Variants in SLK observed in about 807,000 individuals in gnomAD.
SLK encodes STE20-like serine/threonine-protein kinase.
A neutral mutation model predicts 147.7 loss-of-function variants in SLK; 67 were observed. That is an observed-to-expected ratio of 0.45 (90% CI 0.37 to 0.56). The LOEUF is 0.56. Among genes scored for constraint, SLK ranks in the 20% least tolerant of loss-of-function variants. SLK has a pLI of 0.00. For synonymous variants in SLK, 441 were observed against 475.0 expected, an observed-to-expected ratio of 0.93 and a Z score of 0.93; for missense variants, 1,136 against 1,438.8, an observed-to-expected ratio of 0.79 and a Z score of 3.41.
intron 1 of SLK, among the ~76,000 whole-genome samples, chr10:103,986,614 C>T (rs1372512982): frequency 6.6e-6 from 1 of 151,940 alleles, no homozygotes; most frequent in Non-Finnish European, 1.5e-5. Context: ...GGTTTGTGGC[C>T]CTGTGGTTGG....
chr10:104,011,047 C>A, intron 13 of SLK, 139 bp downstream of exon 13: 1 of 471,704 alleles, frequency 2.1e-6, no homozygotes, highest in Non-Finnish European at 3.7e-6. Flanking sequence ...CTCCTGGAAT[C>A]TTCTTTATTT....
In SLK at chr10:103,976,068, A is replaced by G. The variant is rs191989014; in HGVS notation, c.150+8173A>G. On this transcript the variant is annotated intron_variant, in intron 1 of 18. Transcript: ENST00000369755. ...TAGGCACCTGCTACCATGCCCAGCT[A>G]ATTTTTATATTTTTTGTAGAGACGG... 2.2e-4 allele frequency among the ~76,000 whole-genome samples: 34 copies of G among 152,076 alleles called. 1 individual carries two copies. The highest frequency in any genetic ancestry group is 6.2e-4 in the South Asian group (3 of 4,814).
intron 16 of SLK, 66 bp downstream of exon 16, chr10:104,019,988 A>T: frequency 7.9e-7 from 1 of 1,270,872 alleles, no homozygotes; most frequent in East Asian, 2.3e-5. Context: ...TAGAAGTTCT[A>T]CAAAATTCCT....
At chr10:104,021,124 G>A (rs1564664666) in intron 17 of SLK, among the ~76,000 whole-genome samples, 1 of 152,190 alleles carries the variant, frequency 6.6e-6, no homozygotes, top group Non-Finnish European at 1.5e-5. Flanking sequence ...AGAATGTACA[G>A]CCCATCTAAA....
chr10:103,986,828 G>A (rs577160594), intron 1 of SLK, among the ~76,000 whole-genome samples: 14 of 152,084 alleles, frequency 9.2e-5, no homozygotes, highest in Non-Finnish European at 1.6e-4. Flanking sequence ...ACAGGCATCC[G>A]CCACCATGCC....
At chr10:103,991,732 T>C (rs1234802839) in intron 2 of SLK, among the ~76,000 whole-genome samples, 1 of 152,016 alleles carries the variant, frequency 6.6e-6, no homozygotes, top group Non-Finnish European at 1.5e-5. Flanking sequence ...AATAAAGCAT[T>C]ATGCTGAGGG....
At chr10:103,986,680 T>G (rs1251493042) in intron 1 of SLK, among the ~76,000 whole-genome samples, 13 of 141,876 alleles carry the variant, frequency 9.2e-5, no homozygotes, top group African/African-American at 3.3e-4. Flanking sequence ...TTTTTTTTTT[T>G]TTTTTTTTTT....
At chr10:103,992,733 A>G (rs1589532861) in intron 3 of SLK, 87 bp downstream of exon 3, 1 of 1,265,166 alleles carries the variant, frequency 7.9e-7, no homozygotes, top group Non-Finnish European at 1.1e-6. Flanking sequence ...ATATATTCAA[A>G]TATGTAAGTA....
intron 1 of SLK, among the ~76,000 whole-genome samples, chr10:103,986,668 GTTTTTTTTTT>G (rs759976399): frequency 2.1e-5 from 2 of 97,218 alleles, no homozygotes; most frequent in African/African-American, 8.6e-5. Context: ...TATGTGAAGA[GTTTTTTTTTT>G]TTTTTTTTTT....
At chr10:104,007,915 G>A (rs1844349016) in intron 11 of SLK, among the ~76,000 whole-genome samples, 1 of 152,098 alleles carries the variant, frequency 6.6e-6, no homozygotes, top group Admixed American at 6.6e-5. Flanking sequence ...TTGTGCAACT[G>A]CACTCCAGCC....
At chr10:103,995,240 T>C (rs912082968) in intron 4 of SLK, among the ~76,000 whole-genome samples, 1 of 152,036 alleles carries the variant, frequency 6.6e-6, no homozygotes, top group South Asian at 2.1e-4. Flanking sequence ...TTTATTCTTA[T>C]TGAAGCTCAT....
chr10:103,979,125 C>T (rs894373953), intron 1 of SLK, among the ~76,000 whole-genome samples: 1 of 152,214 alleles, frequency 6.6e-6, no homozygotes, highest in African/African-American at 2.4e-5. Context: ...AAGTGATTCT[C>T]ATGCCTCAGC....
At chr10:103,990,176 G>A (rs1011838118) in intron 1 of SLK, among the ~76,000 whole-genome samples, 2 of 152,208 alleles carry the variant, frequency 1.3e-5, no homozygotes, top group African/African-American at 4.8e-5. Flanking sequence ...GGTTGCCAGG[G>A]GTTGGAGGAA....
chr10:103,979,306 C>T (rs7913841), intron 1 of SLK, among the ~76,000 whole-genome samples: 73,229 of 152,144 alleles, frequency 0.48, 19,020 homozygotes, highest in East Asian at 0.72. Context: ...CGTGAGCCAC[C>T]GTATCCAGCC....
chr10:103,999,791 A>C, intron 6 of SLK, 76 bp from the exon 7 acceptor site: 1 of 627,070 alleles, frequency 1.6e-6, no homozygotes. Context: ...AAACTTAAGC[A>C]TAACTTATCA....
chr10:103,984,437 A>G (rs1843986717), intron 1 of SLK, among the ~76,000 whole-genome samples: 1 of 152,122 alleles, frequency 6.6e-6, no homozygotes, highest in African/African-American at 2.4e-5. Context: ...TTTTTGAGAC[A>G]GAGTCTCAGT....
intron 1 of SLK, among the ~76,000 whole-genome samples, chr10:103,979,041 G>A (rs922421537): frequency 2.9e-4 from 44 of 151,804 alleles, no homozygotes; most frequent in African/African-American, 1.1e-3. Flanking sequence ...TTTGAGACAG[G>A]GTCTCACTCT....
At position 104,025,823 on chromosome 10, in the gene SLK, C is replaced by T. The variant is rs1844591207; in HGVS notation, c.*103C>T. 9.1e-6 allele frequency: 9 copies of T among 983,876 alleles called. No individual in the cohort carries two copies. The East Asian group carries it at 2.3e-4, about 25-fold the overall frequency. The allele number at this position is 983,876 out of a possible 1,614,324, so 60.9% of individuals were successfully genotyped here. On this transcript the variant is annotated 3_prime_UTR_variant, in exon 19 of 19. Coordinates refer to ENST00000369755, the MANE Select transcript of SLK (RefSeq NM_014720.4). ...GATAGCTCATGAAGACAATCACCTG[C>T]CTCACCTTCTAGGTGTTTTCCTTTT...
chr10:103,992,308 A>G lies in SLK; in HGVS notation c.316-290A>G, dbSNP rs528710287. Among the ~76,000 whole-genome samples the G allele has an allele frequency of 3.9e-5, 6 of 152,152 alleles. No individual in the cohort carries two copies. The East Asian group carries it at 1.2e-3, about 29-fold the overall frequency. ...TTCATTGGTGACCAAATAGCTGTGC[A>G]GTACAATACCAAATGAAAAAGTTCT... is the stretch of plus-strand genomic sequence containing the variant. On this transcript the variant is annotated intron_variant, in intron 2 of 18. Coordinates refer to ENST00000369755, the MANE Select transcript of SLK (RefSeq NM_014720.4).
Sources: allele counts gnomAD v4.1 joint callset (sites outside exome capture counted in the v4.1 genomes callset), GRCh38; gene constraint gnomAD v4.1.1; transcripts MANE v1.5; gene names NCBI Gene and HGNC (gene_info 2026-07-23, HGNC 2026-07-21).